NKAIN2: variants seen among roughly 807,000 people sequenced by gnomAD.
NKAIN2 encodes sodium/potassium transporting ATPase interacting 2.
Under a neutral mutation model 32.6 loss-of-function variants are expected in NKAIN2, and 14 were observed. The observed-to-expected ratio is 0.43, with a 90% CI of 0.28 to 0.67. The LOEUF (loss-of-function observed/expected upper bound fraction) is 0.67. NKAIN2 is among the 30% of genes least tolerant of loss of function. The pLI is 0.17. For missense variants in NKAIN2, 198 were observed against 258.3 expected, an observed-to-expected ratio of 0.77 and a Z score of 1.60; for synonymous variants, 80 against 87.2, an observed-to-expected ratio of 0.92 and a Z score of 0.46.
chr6:123,893,933 T>C (rs1774146452), intron 1 of NKAIN2, among the ~76,000 whole-genome samples: 1 of 152,162 alleles, frequency 6.6e-6, no homozygotes, highest in South Asian at 2.1e-4. Flanking sequence ...TCCCAGGGAT[T>C]AACTGATGGA....
intron 1 of NKAIN2, among the ~76,000 whole-genome samples, chr6:123,967,434 A>G (rs145206862): frequency 1.3e-5 from 2 of 152,272 alleles, no homozygotes; most frequent in Non-Finnish European, 2.9e-5. Context: ...GCCAAGCACC[A>G]TTTCTGTAGT....
intron 3 of NKAIN2, among the ~76,000 whole-genome samples, chr6:124,436,412 A>G (rs911047873): frequency 2.0e-5 from 3 of 152,196 alleles, no homozygotes; most frequent in Non-Finnish European, 4.4e-5. Context: ...TTACAATATC[A>G]TAAAACACCG....
chr6:123,931,896 C>A (rs1776267529), intron 1 of NKAIN2, among the ~76,000 whole-genome samples: 1 of 152,130 alleles, frequency 6.6e-6, no homozygotes, highest in South Asian at 2.1e-4. Flanking sequence ...ATCACCCACT[C>A]AATCTTGAAA....
At chr6:124,014,430 AGTT>A (rs1158734296) in intron 1 of NKAIN2, among the ~76,000 whole-genome samples, 2 of 152,096 alleles carry the variant, frequency 1.3e-5, no homozygotes, top group South Asian at 2.1e-4. Context: ...TAATTTTACA[AGTT>A]GTTGTTTTTT....
intron 1 of NKAIN2, among the ~76,000 whole-genome samples, chr6:124,079,296 C>T (rs532703896): frequency 2.6e-5 from 4 of 152,082 alleles, no homozygotes; most frequent in South Asian, 2.1e-4. Flanking sequence ...CCAGCCTGGG[C>T]GACAGAACGA....
intron 3 of NKAIN2, among the ~76,000 whole-genome samples, chr6:124,527,759 AGTGGAAATTTGCAGAGTCG>A (rs1779373672): frequency 6.6e-6 from 1 of 152,176 alleles, no homozygotes; most frequent in Admixed American, 6.5e-5. Flanking sequence ...GGTCTGAGTC[AGTGGAAATTTGCAGAGTCG>A]GTGGAAATTT....
chr6:124,477,031 A>G (rs892862071), intron 3 of NKAIN2, among the ~76,000 whole-genome samples: 1 of 152,216 alleles, frequency 6.6e-6, no homozygotes, highest in Non-Finnish European at 1.5e-5. Context: ...CCACAATTAA[A>G]TAATCCTGAA....
chr6:124,103,893 C>T (rs974910756), intron 1 of NKAIN2, among the ~76,000 whole-genome samples: 2 of 152,066 alleles, frequency 1.3e-5, no homozygotes, highest in African/African-American at 4.8e-5. Context: ...CGAGACCATC[C>T]TGGCTAACAC....
chr6:124,405,678 C>A (rs1032349979), intron 3 of NKAIN2, among the ~76,000 whole-genome samples: 1 of 152,032 alleles, frequency 6.6e-6, no homozygotes, highest in African/African-American at 2.4e-5. Context: ...CCGCACCCGG[C>A]AAAACCTTTT....
At chr6:124,034,060 T>C (rs1781510249) in intron 1 of NKAIN2, among the ~76,000 whole-genome samples, 1 of 152,122 alleles carries the variant, frequency 6.6e-6, no homozygotes, top group Non-Finnish European at 1.5e-5. Flanking sequence ...AGTGATGAAC[T>C]TTTCAGCTGT....
At chr6:124,249,179 C>A (rs374271283) in intron 1 of NKAIN2, among the ~76,000 whole-genome samples, 1 of 152,120 alleles carries the variant, frequency 6.6e-6, no homozygotes, top group Admixed American at 6.6e-5. Context: ...TATGTAGCCA[C>A]AATACCTCTT....
chr6:123,901,015 G>GATT (rs1327698997), intron 1 of NKAIN2, among the ~76,000 whole-genome samples: 3 of 152,132 alleles, frequency 2.0e-5, no homozygotes, highest in Non-Finnish European at 4.4e-5. Flanking sequence ...TTTACCCTGC[G>GATT]TATCATTCCA....
intron 1 of NKAIN2, among the ~76,000 whole-genome samples, chr6:124,066,871 TG>T (rs1554250369): frequency 2.1e-5 from 2 of 96,520 alleles, no homozygotes; most frequent in African/African-American, 1.3e-4. Flanking sequence ...TTTGTGTGTG[TG>T]TGTGTGTGTG....
chr6:124,332,638 T>C (rs1015565248), intron 2 of NKAIN2, among the ~76,000 whole-genome samples: 1 of 152,170 alleles, frequency 6.6e-6, no homozygotes, highest in Admixed American at 6.5e-5. Context: ...AAAGAATTCT[T>C]GTATAATGAT....
intron 1 of NKAIN2, among the ~76,000 whole-genome samples, chr6:124,159,173 C>T (rs1006135867): frequency 6.6e-6 from 1 of 152,112 alleles, no homozygotes; most frequent in Admixed American, 6.6e-5. Flanking sequence ...TATGAAAGAG[C>T]CTCACATTTT....
chr6:124,409,794 T>C (rs1041115916), intron 3 of NKAIN2, among the ~76,000 whole-genome samples: 4 of 152,338 alleles, frequency 2.6e-5, no homozygotes, highest in African/African-American at 9.6e-5. Context: ...GTACCTATGG[T>C]AGAATTCGGC....
intron 3 of NKAIN2, among the ~76,000 whole-genome samples, chr6:124,489,021 C>T (rs1252389986): frequency 2.0e-5 from 3 of 151,878 alleles, no homozygotes; most frequent in Non-Finnish European, 4.4e-5. Flanking sequence ...CCTGACTTCC[C>T]ACTAGACAAT....
At chr6:123,836,933 T>A (rs543465245) in intron 1 of NKAIN2, among the ~76,000 whole-genome samples, 1 of 152,170 alleles carries the variant, frequency 6.6e-6, no homozygotes, top group African/African-American at 2.4e-5. Flanking sequence ...CCACAAACGA[T>A]GCACATTAAA....
intron 1 of NKAIN2, among the ~76,000 whole-genome samples, chr6:123,961,367 A>G (rs1026049465): frequency 1.3e-5 from 2 of 152,184 alleles, no homozygotes; most frequent in Non-Finnish European, 2.9e-5. Flanking sequence ...TCACGTGTTC[A>G]TGGGCTAGAA....
Sources: allele counts gnomAD v4.1 joint callset (sites outside exome capture counted in the v4.1 genomes callset), GRCh38; gene constraint gnomAD v4.1.1; transcripts MANE v1.5; gene names NCBI Gene and HGNC (gene_info 2026-07-23, HGNC 2026-07-21).